Variants in LGR4 observed in about 807,000 individuals in gnomAD.
LGR4 encodes leucine-rich repeat-containing G protein-coupled receptor 4.
A neutral mutation model predicts 84.8 loss-of-function variants in LGR4; 44 were observed. The observed-to-expected ratio is 0.52, with a 90% CI of 0.41 to 0.67. The LOEUF is 0.67. Ranked by LOEUF, LGR4 falls within the 30% of genes least tolerant of loss-of-function variation. The probability of loss-of-function intolerance (pLI) is 0.00; values close to 1 mark genes in which losing one functional copy is unlikely to be tolerated. For synonymous variants in LGR4, 429 were observed against 434.3 expected (o/e 0.99, Z 0.15); for missense variants, 1,032 against 1,131.4 (o/e 0.91, Z 1.26).
At chr11:27,420,485 G>A (rs887369199) in intron 1 of LGR4, among the ~76,000 whole-genome samples, 1 of 152,082 alleles carries the variant, frequency 6.6e-6, no homozygotes, top group African/African-American at 2.4e-5. Context: ...CAGACCTGGA[G>A]CTCAAAAAAG....
intron 1 of LGR4, among the ~76,000 whole-genome samples, chr11:27,454,161 C>A (rs57456494): frequency 6.6e-6 from 1 of 152,126 alleles, no homozygotes; most frequent in East Asian, 1.9e-4. Context: ...ATTGCCAATC[C>A]GAAAATTTTT....
chr11:27,434,837 G>A (rs1453641126), intron 1 of LGR4, among the ~76,000 whole-genome samples: 1 of 152,120 alleles, frequency 6.6e-6, no homozygotes, highest in Admixed American at 6.5e-5. Context: ...GGGGAGAGGG[G>A]AGGAACATTA....
At chr11:27,472,046 C>A in intron 1 of LGR4, 72 bp downstream of exon 1, 2 of 1,146,310 alleles carry the variant, frequency 1.7e-6, no homozygotes, top group Non-Finnish European at 2.2e-6. Flanking sequence ...TGACCCCTGG[C>A]TCCGCCCCGC....
At chr11:27,398,079 A>T (rs990985910) in intron 2 of LGR4, among the ~76,000 whole-genome samples, 1 of 152,232 alleles carries the variant, frequency 6.6e-6, no homozygotes, top group South Asian at 2.1e-4. Flanking sequence ...ATGGATTGAC[A>T]TTAGGGGCTC....
chr11:27,380,384 C>A, intron 9 of LGR4, 45 bp from the exon 10 acceptor site: 2 of 1,436,986 alleles, frequency 1.4e-6, no homozygotes, highest in South Asian at 2.4e-5. Flanking sequence ...AATTTTTTTT[C>A]ATATTTTATG....
intron 1 of LGR4, among the ~76,000 whole-genome samples, chr11:27,462,242 G>A (rs1225050495): frequency 6.6e-6 from 1 of 152,062 alleles, no homozygotes; most frequent in African/African-American, 2.4e-5. Context: ...GCTATCACAC[G>A]CCCATTTGCT....
chr11:27,425,497 A>AT (rs913888267), intron 1 of LGR4, among the ~76,000 whole-genome samples: 5 of 151,672 alleles, frequency 3.3e-5, no homozygotes, highest in African/African-American at 4.8e-5. Context: ...GATTTTTAAA[A>AT]TTTTTTTGTA....
chr11:27,395,889 G>A (rs1590360042), intron 2 of LGR4, among the ~76,000 whole-genome samples: 1 of 152,070 alleles, frequency 6.6e-6, no homozygotes, highest in East Asian at 1.9e-4. Flanking sequence ...TAAACCTTGG[G>A]GATGCTTCAT....
intron 13 of LGR4, among the ~76,000 whole-genome samples, chr11:27,374,980 T>C (rs934706558): frequency 6.6e-6 from 1 of 152,096 alleles, no homozygotes; most frequent in Non-Finnish European, 1.5e-5. Flanking sequence ...TTTCAAACTT[T>C]TTCTATAATA....
At chr11:27,376,210 A>C in intron 13 of LGR4, 89 bp downstream of exon 13, 3 of 758,942 alleles carry the variant, frequency 4.0e-6, no homozygotes, top group Non-Finnish European at 6.7e-6. Context: ...TTATATCTTT[A>C]AGTATATCTA....
intron 1 of LGR4, among the ~76,000 whole-genome samples, chr11:27,452,454 C>T (rs960729391): frequency 1.3e-5 from 2 of 152,066 alleles, no homozygotes; most frequent in South Asian, 4.1e-4. Context: ...ACTACCACTA[C>T]AATCATGGTA....
intron 10 of LGR4, 67 bp from the exon 11 acceptor site, chr11:27,378,835 T>A: frequency 9.2e-7 from 1 of 1,089,872 alleles, no homozygotes; most frequent in African/African-American, 1.6e-5. Flanking sequence ...TTTATTCCCA[T>A]ATAGAATAAG....
intron 1 of LGR4, among the ~76,000 whole-genome samples, chr11:27,446,973 G>A (rs977683178): frequency 6.6e-6 from 1 of 151,670 alleles, no homozygotes; most frequent in Non-Finnish European, 1.5e-5. Flanking sequence ...CTCATAGGTG[G>A]GAACTGAATA....
chr11:27,372,072 C>T (rs1862894909), intron 16 of LGR4, among the ~76,000 whole-genome samples: 1 of 152,022 alleles, frequency 6.6e-6, no homozygotes, highest in Non-Finnish European at 1.5e-5. Context: ...ACTTTGTTGC[C>T]CAGGCTGGTC....
rs902061075 is a variant in LGR4 at position 27,392,709 on chromosome 11, G to T, written c.258-191C>A. Reference sequence around the variant, plus strand: ...TCTTCCAATGAGATAAATGTCTCTAGAATTTTTTTTTAAGTCCCAATACAA... The same window carrying T: ...TCTTCCAATGAGATAAATGTCTCTATAATTTTTTTTTAAGTCCCAATACAA... On this transcript the variant is annotated intron_variant, in intron 2 of 17. Coordinates refer to ENST00000379214, the MANE Select transcript of LGR4 (RefSeq NM_018490.5). Among the ~76,000 whole-genome samples, 5 of 152,162 alleles carry T rather than the reference G, an allele frequency of 3.3e-5. No homozygotes were observed. In the South Asian group the frequency reaches 8.3e-4, roughly 25 times the overall value.
chr11:27,470,713 GA>G (rs35698854), intron 1 of LGR4, among the ~76,000 whole-genome samples: 75,506 of 134,096 alleles, frequency 0.56, 23,713 homozygotes, highest in Non-Finnish European at 0.74. Flanking sequence ...TCACTATACT[GA>G]AAAAAAAAAA....
At chr11:27,375,855 TTAGC>T (rs1179175364) in intron 13 of LGR4, among the ~76,000 whole-genome samples, 1 of 152,148 alleles carries the variant, frequency 6.6e-6, no homozygotes, top group Non-Finnish European at 1.5e-5. Flanking sequence ...CAATGTACAA[TTAGC>T]TAAAGTAAAA....
intron 1 of LGR4, among the ~76,000 whole-genome samples, chr11:27,434,490 G>A (rs1864173128): frequency 6.6e-6 from 1 of 152,186 alleles, no homozygotes. Flanking sequence ...TGGTGAAGTA[G>A]AGGCCTGTGG....
At chr11:27,457,778 GTGAA>G (rs1049848399) in intron 1 of LGR4, among the ~76,000 whole-genome samples, 4 of 152,250 alleles carry the variant, frequency 2.6e-5, no homozygotes, top group Admixed American at 2.6e-4. Flanking sequence ...CCCTTGACTG[GTGAA>G]TGGAGAAACA....
Sources: allele counts gnomAD v4.1 joint callset (sites outside exome capture counted in the v4.1 genomes callset), GRCh38; gene constraint gnomAD v4.1.1; transcripts MANE v1.5; gene names NCBI Gene and HGNC (gene_info 2026-07-23, HGNC 2026-07-21).